The following CENPU variants were observed in gnomAD, a reference collection of about 807,000 sequenced individuals.
The protein encoded by CENPU is centromere protein U.
In CENPU, 46 loss-of-function variants were observed where a neutral mutation model predicts 56.7. The observed-to-expected ratio is 0.81, with a 90% CI of 0.64 to 1.04. The LOEUF is 1.04. CENPU is among the 50% of genes least tolerant of loss of function. CENPU has a pLI of 0.00. For missense variants in CENPU, 510 were observed against 490.1 expected, an observed-to-expected ratio of 1.04 and a Z score of -0.38; for synonymous variants, 166 against 163.0, an observed-to-expected ratio of 1.02 and a Z score of -0.14.
Position 184,695,324 on chromosome 4 carries a change from G to A in CENPU, c.1221C>T (p.Ile407=). The part of the protein sequence containing the change: ...LLGAESHLRN[I]NHQLEKLLDQ... Reference sequence around the variant, plus strand: ...CAAGGAGCTTCTCTAACTGATGGTTGATATTTCGCAGATGGCTTTCGGCTC... The same window carrying A: ...CAAGGAGCTTCTCTAACTGATGGTTAATATTTCGCAGATGGCTTTCGGCTC... Residue 407 remains isoleucine, a synonymous_variant, in exon 13 of 13, where the codon ATC becomes ATT. Transcript: ENST00000281453. 1.9e-6 allele frequency: 3 copies of A among 1,613,470 alleles called. No individual in the cohort carries two copies. Among genetic ancestry groups the A allele is most frequent in the African/African-American group, 1.3e-5 (1 of 75,042 alleles).
chr4:184,699,091 G>A (rs1420466640), intron 11 of CENPU, among the ~76,000 whole-genome samples: 2 of 151,988 alleles, frequency 1.3e-5, no homozygotes, highest in Non-Finnish European at 2.9e-5. Context: ...ACTTTGGGAG[G>A]CCAAGGCAGG....
chr4:184,732,567 A>G (rs935599686), intron 1 of CENPU, among the ~76,000 whole-genome samples: 2 of 152,136 alleles, frequency 1.3e-5, no homozygotes, highest in Admixed American at 6.6e-5. Context: ...GCTACACACT[A>G]GACCACATAA....
chr4:184,733,979 C>T, intron 1 of CENPU, 37 bp downstream of exon 1: 1 of 1,611,504 alleles, frequency 6.2e-7, no homozygotes, highest in Non-Finnish European at 8.5e-7. Flanking sequence ...TCAAGCTGGT[C>T]TCCGGCCCCG....
At chr4:184,729,778 G>A (rs1013986368) in intron 2 of CENPU, among the ~76,000 whole-genome samples, 1 of 152,152 alleles carries the variant, frequency 6.6e-6, no homozygotes, top group South Asian at 2.1e-4. Context: ...AGGGTTTAGA[G>A]TTCAATATAC....
intron 4 of CENPU, among the ~76,000 whole-genome samples, chr4:184,718,915 A>C (rs1303765412): frequency 1.3e-5 from 2 of 152,212 alleles, no homozygotes; most frequent in African/African-American, 4.8e-5. Context: ...GCCAATGTGC[A>C]AAACATCCGG....
intron 6 of CENPU, among the ~76,000 whole-genome samples, chr4:184,714,942 G>C (rs12498890): frequency 0.18 from 27,028 of 151,984 alleles, 2,682 homozygotes; most frequent in African/African-American, 0.26. Context: ...ACTACACTCT[G>C]AATCAACTTG....
intron 4 of CENPU, among the ~76,000 whole-genome samples, chr4:184,721,087 TAAAAAC>T (rs1176515085): frequency 6.6e-6 from 1 of 151,990 alleles, no homozygotes; most frequent in Non-Finnish European, 1.5e-5. Flanking sequence ...ACAATAAAAA[TAAAAAC>T]AAAAAGTTAA....
chr4:184,720,343 GAAAGA>G (rs1352147962), intron 4 of CENPU, among the ~76,000 whole-genome samples: 2 of 151,530 alleles, frequency 1.3e-5, no homozygotes, highest in Non-Finnish European at 2.9e-5. Context: ...CAGAGGAAAG[GAAAGA>G]AAAAAGAAAA....
At chr4:184,696,528 TTAGG>T (rs1760324822) in intron 12 of CENPU, among the ~76,000 whole-genome samples, 1 of 152,122 alleles carries the variant, frequency 6.6e-6, no homozygotes, top group African/African-American at 2.4e-5. Flanking sequence ...TTTGGACTAC[TTAGG>T]TAATTAAAAA....
intron 4 of CENPU, among the ~76,000 whole-genome samples, chr4:184,721,181 T>C (rs2130393): frequency 0.17 from 25,988 of 152,058 alleles, 2,433 homozygotes; most frequent in African/African-American, 0.24. Context: ...GTTAAGTTGT[T>C]AATGGCATAA....
chr4:184,699,394 G>C (rs1423447956), intron 11 of CENPU, among the ~76,000 whole-genome samples: 2 of 152,218 alleles, frequency 1.3e-5, no homozygotes, highest in African/African-American at 4.8e-5. Flanking sequence ...CCGAAGACAA[G>C]TGTAACCAGG....
chr4:184,720,775 A>G (rs990433583), intron 4 of CENPU, among the ~76,000 whole-genome samples: 3 of 152,180 alleles, frequency 2.0e-5, no homozygotes, highest in African/African-American at 7.2e-5. Context: ...CTAGAATAAT[A>G]TATCTGGTGA....
At chr4:184,721,114 A>G (rs939561772) in intron 4 of CENPU, among the ~76,000 whole-genome samples, 3 of 152,212 alleles carry the variant, frequency 2.0e-5, no homozygotes, top group Non-Finnish European at 4.4e-5. Flanking sequence ...AAAGTGGGGG[A>G]GCAAAGTAAA....
intron 7 of CENPU, among the ~76,000 whole-genome samples, chr4:184,711,260 G>T (rs896160578): frequency 1.3e-5 from 2 of 151,876 alleles, no homozygotes; most frequent in Non-Finnish European, 2.9e-5. Flanking sequence ...TAGGGGGGTG[G>T]GTGGATTCAC....
At chr4:184,710,389 C>T in intron 7 of CENPU, 1 of 374,262 alleles carries the variant, frequency 2.7e-6, no homozygotes, top group Non-Finnish European at 4.8e-6. Context: ...TGCTGTCTCG[C>T]TGGTTCTCCT....
rs59124760 is a variant in CENPU, at chr4:184,727,116, CA to C, written c.214+1801del. Among the ~76,000 whole-genome samples, 489 of 86,716 alleles carry C rather than the reference CA, an allele frequency of 5.6e-3. 4 individuals are homozygous for C. The highest frequency in any genetic ancestry group is 8.6e-3 in the African/African-American group (209 of 24,274). 56.9% of individuals were successfully genotyped at this position (86,716 alleles called of 152,430 possible). A position where few individuals can be genotyped will look rare whatever the true frequency, so the allele number is the denominator to read the frequency against. On this transcript the variant is annotated intron_variant, in intron 3 of 12. Transcript: ENST00000281453. ...AGGTGACAGAGGAAGACTTCGTCTC[CA>C]AAAAAAAAAAAAAAAAATTTCTGAC...
At chr4:184,731,076 ACCCATATTCC>A in intron 1 of CENPU, 108 bp from the exon 2 acceptor site, 8 of 784,490 alleles carry the variant, frequency 1.0e-5, no homozygotes, top group Non-Finnish European at 1.2e-5. Context: ...AAAAACAAGA[ACCCATATTCC>A]ACAAATTTAT....
intron 8 of CENPU, among the ~76,000 whole-genome samples, chr4:184,708,184 C>T (rs1236218601): frequency 1.6e-5 from 2 of 125,362 alleles, no homozygotes; most frequent in African/African-American, 3.0e-5. Flanking sequence ...GATCGCGCTA[C>T]GGCACTCTAG....
intron 7 of CENPU, 97 bp from the exon 8 acceptor site, chr4:184,710,277 G>T: frequency 1.5e-6 from 1 of 671,674 alleles, no homozygotes; most frequent in Non-Finnish European, 2.5e-6. Context: ...TCACCAAATT[G>T]TAAAAGATAG....
Sources: gnomAD v4.1 joint callset for allele counts (sites outside exome capture counted in the v4.1 genomes callset) on GRCh38, gnomAD v4.1.1 for gene constraint, MANE v1.5 for transcripts, NCBI Gene and HGNC (gene_info 2026-07-23, HGNC 2026-07-21) for gene names.